Variants in FTO observed in about 807,000 individuals in gnomAD.
FTO encodes alpha-ketoglutarate-dependent dioxygenase FTO.
In FTO, 47 loss-of-function variants were observed where a neutral mutation model predicts 63.9. The observed-to-expected ratio is 0.74, with a 90% CI of 0.58 to 0.94. FTO has a LOEUF of 0.94. Ranked by LOEUF, FTO falls within the 40% of genes least tolerant of loss-of-function variation. FTO has a pLI of 0.00. For synonymous variants in FTO, 207 were observed against 224.4 expected, an observed-to-expected ratio of 0.92 and a Z score of 0.69; for missense variants, 562 against 618.1, an observed-to-expected ratio of 0.91 and a Z score of 0.96.
chr16:53,790,407 G>A (rs920355117), intron 1 of FTO, among the ~76,000 whole-genome samples: 34 of 151,582 alleles, frequency 2.2e-4, no homozygotes, highest in Non-Finnish European at 4.1e-4. Flanking sequence ...GGCTAGTGAC[G>A]ACATTAAGAT....
intron 8 of FTO, among the ~76,000 whole-genome samples, chr16:53,936,441 G>A (rs937627161): frequency 7.2e-5 from 11 of 152,212 alleles, no homozygotes; most frequent in African/African-American, 2.4e-4. Flanking sequence ...CATGCGATCC[G>A]TATAAACAGA....
chr16:53,971,017 T>C (rs543712104), intron 8 of FTO, among the ~76,000 whole-genome samples: 1 of 152,332 alleles, frequency 6.6e-6, no homozygotes, highest in South Asian at 2.1e-4. Flanking sequence ...TGGGTCTTTA[T>C]TTACTGCATA....
At chr16:54,084,467 T>G (rs1409258676) in intron 8 of FTO, among the ~76,000 whole-genome samples, 1 of 152,092 alleles carries the variant, frequency 6.6e-6, no homozygotes, top group East Asian at 1.9e-4. Flanking sequence ...TGGTGTGGAT[T>G]GGATGAGTTA....
At chr16:54,009,997 T>G (rs934324711) in intron 8 of FTO, among the ~76,000 whole-genome samples, 2 of 148,390 alleles carry the variant, frequency 1.3e-5, no homozygotes, top group Non-Finnish European at 2.9e-5. Flanking sequence ...TTGACTGTTG[T>G]AGTGACCTTT....
At position 54,117,650 on chromosome 16, in the gene FTO, T is replaced by C. The variant is rs564664376; in HGVS notation, c.*5735T>C. The stretch of plus-strand genomic sequence containing the variant: ...CATTTGCTCTTCACAGCTTCCATTT[T>C]TCGCTAGGCGGATGGCATGGAACTT... On this transcript the variant is annotated 3_prime_UTR_variant, in exon 9 of 9. Coordinates refer to ENST00000471389, the MANE Select transcript of FTO (RefSeq NM_001080432.3). The C allele has an allele frequency of 3.7e-4, 56 of 152,344 alleles. No individual in the cohort carries two copies. The highest frequency in any genetic ancestry group is 1.3e-3 in the African/African-American group (55 of 41,580). The allele number at this position is 152,344 out of a possible 1,614,324, so 9.4% of individuals were successfully genotyped here.
chr16:53,837,622 A>G (rs2079339951), intron 3 of FTO, among the ~76,000 whole-genome samples: 2 of 152,188 alleles, frequency 1.3e-5, no homozygotes, highest in Non-Finnish European at 2.9e-5. Context: ...TTTTCTTGCA[A>G]CCCGTCAAGG....
chr16:53,731,082 G>T (rs555541022), intron 1 of FTO, among the ~76,000 whole-genome samples: 112 of 152,312 alleles, frequency 7.4e-4, no homozygotes, highest in Non-Finnish European at 1.2e-3. Context: ...TGTAGAGATA[G>T]GTTGTAAAAA....
At chr16:53,733,533 G>A (rs1451486133) in intron 1 of FTO, among the ~76,000 whole-genome samples, 1 of 152,176 alleles carries the variant, frequency 6.6e-6, no homozygotes, top group Admixed American at 6.5e-5. Flanking sequence ...AATGAAGGAG[G>A]ATTCTTCTCA....
intron 8 of FTO, among the ~76,000 whole-genome samples, chr16:54,076,879 T>C (rs1310215058): frequency 6.6e-6 from 1 of 152,186 alleles, no homozygotes; most frequent in Non-Finnish European, 1.5e-5. Flanking sequence ...ACCTCTGGCT[T>C]GCTTTTCCCA....
At position 53,810,188 on chromosome 16, in the gene FTO, A is replaced by G. The variant is rs373028121; in HGVS notation, c.94A>G (p.Thr32Ala). The change falls in exon 2 of 9, where the codon ACC becomes GCC. Residue 32 changes from threonine (T) to alanine (A), a missense_variant. Transcript: ENST00000471389. The part of the protein sequence containing the change: ...ELEDTWLPYL[T>A]PKDDEFYQQW... ...TGAAGACACTTGGCTCCCTTATCTG[A>G]CCCCCAAAGATGATGAATTCTATCA... 10 of 1,610,264 alleles carry G rather than the reference A, an allele frequency of 6.2e-6. No homozygotes were observed. The South Asian group carries it at 1.1e-4, about 18-fold the overall frequency.
rs1393760746 is a variant in FTO at position 53,814,258 on chromosome 16, G to A, written c.123+4041G>A. Reference sequence around the variant, plus strand: ...AGCTCATCATGGAACACAAGGAAACGAGGAATTACATAGTCAGAAAACAAA... The same window carrying A: ...AGCTCATCATGGAACACAAGGAAACAAGGAATTACATAGTCAGAAAACAAA... On this transcript the variant is annotated intron_variant, in intron 2 of 8. Transcript: ENST00000471389. 2.0e-5 allele frequency among the ~76,000 whole-genome samples: 3 copies of A among 152,278 alleles called. No individual in the cohort carries two copies. In the South Asian group the frequency reaches 6.2e-4, roughly 32 times the overall value.
At chr16:53,950,160 A>AAAAACAAAAAAAACAAAAAAAAAAAAAAC (rs2082745627) in intron 8 of FTO, among the ~76,000 whole-genome samples, 1 of 115,620 alleles carries the variant, frequency 8.6e-6, no homozygotes, top group Non-Finnish European at 1.9e-5. Context: ...ATTTGTAAAA[A>AAAAACAAAAAAAACAAAAAAAAAAAAAAC]AAAAAAAAAA....
chr16:53,774,829 A>T (rs113932531), intron 1 of FTO, among the ~76,000 whole-genome samples: 44 of 152,276 alleles, frequency 2.9e-4, no homozygotes, highest in Non-Finnish European at 5.1e-4. Flanking sequence ...TTGATTTGTA[A>T]GAACACACAA....
intron 8 of FTO, among the ~76,000 whole-genome samples, chr16:54,088,478 C>T (rs543667876): frequency 5.0e-4 from 76 of 152,300 alleles, no homozygotes; most frequent in African/African-American, 1.8e-3. Flanking sequence ...TTTGCAAGTA[C>T]AGTTTTCTTC....
intron 8 of FTO, among the ~76,000 whole-genome samples, chr16:54,037,016 A>G (rs779957214): frequency 9.2e-5 from 14 of 152,126 alleles, no homozygotes; most frequent in Non-Finnish European, 1.9e-4. Flanking sequence ...CAGCAAACCA[A>G]CTGCCACTGT....
rs1186497319 is a variant in FTO at position 53,879,833 on chromosome 16, T to C, written c.976-11T>C. 1 of 1,613,980 alleles carries C rather than the reference T, an allele frequency of 6.2e-7. No homozygotes were observed. Among genetic ancestry groups the C allele is most frequent in the Non-Finnish European group, 8.5e-7 (1 of 1,179,896 alleles). On this transcript the variant is annotated splice_polypyrimidine_tract_variant and intron_variant, in intron 5 of 8. Transcript: ENST00000471389. ...TGCCCATAATTGTGATTGCTGGTTC[T>C]GTCTCAACAGTGCTCAACAGGAACC...
chr16:53,891,367 T>TA (rs2081145819), intron 7 of FTO, among the ~76,000 whole-genome samples: 2 of 151,980 alleles, frequency 1.3e-5, no homozygotes, highest in African/African-American at 4.8e-5. Context: ...TTATTTTTTT[T>TA]AAGTAAAATC....
At chr16:53,876,930 AC>A (rs1427102518) in intron 5 of FTO, among the ~76,000 whole-genome samples, 5 of 152,226 alleles carry the variant, frequency 3.3e-5, no homozygotes, top group Non-Finnish European at 2.9e-5. Flanking sequence ...CCGTCTTCAC[AC>A]ACACACAAAA....
intron 8 of FTO, among the ~76,000 whole-genome samples, chr16:54,073,839 C>T (rs2085926434): frequency 6.6e-6 from 1 of 152,090 alleles, no homozygotes; most frequent in Non-Finnish European, 1.5e-5. Flanking sequence ...TTATAGAATA[C>T]TCATTTATAG....
Sources: gnomAD v4.1 joint callset for allele counts (sites outside exome capture counted in the v4.1 genomes callset) on GRCh38, gnomAD v4.1.1 for gene constraint, MANE v1.5 for transcripts, NCBI Gene and HGNC (gene_info 2026-07-23, HGNC 2026-07-21) for gene names.